The following EPB41L3 variants were observed in gnomAD, a reference collection of about 807,000 sequenced individuals.
The protein encoded by EPB41L3 is band 4.1-like protein 3.
A neutral mutation model predicts 127.1 loss-of-function variants in EPB41L3; 57 were observed. The observed-to-expected ratio is 0.45, with a 90% CI of 0.36 to 0.56. The LOEUF (loss-of-function observed/expected upper bound fraction) is 0.56. Among genes scored for constraint, EPB41L3 ranks in the 20% least tolerant of loss-of-function variants. The pLI, the probability that EPB41L3 is intolerant of heterozygous loss-of-function variation, is 0.00. For synonymous variants in EPB41L3, 572 were observed against 549.5 expected, an observed-to-expected ratio of 1.04 and a Z score of -0.57; for missense variants, 1,273 against 1,372.2, an observed-to-expected ratio of 0.93 and a Z score of 1.14.
chr18:5,450,624 T>A (rs1305850976), intron 3 of EPB41L3, among the ~76,000 whole-genome samples: 1 of 151,322 alleles, frequency 6.6e-6, no homozygotes, highest in Admixed American at 6.6e-5. Context: ...AATAAAATAA[T>A]TAATTAAAAA....
chr18:5,516,021 A>G (rs2092736273), intron 1 of EPB41L3, among the ~76,000 whole-genome samples: 1 of 152,222 alleles, frequency 6.6e-6, no homozygotes, highest in South Asian at 2.1e-4. Context: ...GTAAGTGCCC[A>G]TAGAAAGTTA....
chr18:5,441,041 C>T (rs959554974), intron 5 of EPB41L3, among the ~76,000 whole-genome samples: 23 of 152,054 alleles, frequency 1.5e-4, no homozygotes, highest in East Asian at 7.7e-4. Context: ...TGTGTCTCTG[C>T]GCTCAGCTAA....
chr18:5,604,153 T>C (rs946785980), intron 3 of EPB41L3, among the ~76,000 whole-genome samples: 7 of 152,122 alleles, frequency 4.6e-5, no homozygotes, highest in African/African-American at 1.2e-4. Flanking sequence ...CTGCTTGTAA[T>C]AGTATTAGAA....
intron 15 of EPB41L3, chr18:5,407,453 C>A: frequency 3.6e-6 from 2 of 549,284 alleles, no homozygotes; most frequent in Non-Finnish European, 6.4e-6. Context: ...CATAAGATTA[C>A]TATGTTTGAC....
intron 3 of EPB41L3, among the ~76,000 whole-genome samples, chr18:5,561,028 A>ACT (rs2094122190): frequency 7.3e-6 from 1 of 137,304 alleles, no homozygotes; most frequent in Non-Finnish European, 1.6e-5. Flanking sequence ...CCCAGGCTGG[A>ACT]GTGCAGTGGC....
At position 5,476,715 on chromosome 18, in the gene EPB41L3, A is replaced by C. The variant is rs531337988; in HGVS notation, c.381+1526T>G. 2.0e-5 allele frequency among the ~76,000 whole-genome samples: 3 copies of C among 152,352 alleles called. No individual in the cohort carries two copies. In the East Asian group the frequency reaches 5.8e-4, roughly 29 times the overall value. ...TTTCCAGAAAATGCATCTACACTGA[A>C]GAAATACAGTATTTCTCAAGGTTAC... On this transcript the variant is annotated intron_variant, in intron 3 of 22. Transcript: ENST00000341928.
chr18:5,448,187 G>A (rs2081797956), intron 3 of EPB41L3, among the ~76,000 whole-genome samples: 1 of 152,106 alleles, frequency 6.6e-6, no homozygotes, highest in Admixed American at 6.5e-5. Context: ...AACCACTAAT[G>A]GATTGAGGCA....
intron 1 of EPB41L3, chr18:5,540,590 TTCCCAACAAA>T (rs2149040053): frequency 1.0e-6 from 1 of 979,662 alleles, no homozygotes; most frequent in Admixed American, 6.1e-5. Flanking sequence ...GCCTGATGAA[TTCCCAACAAA>T]TCAGCAGCTA....
intron 1 of EPB41L3, among the ~76,000 whole-genome samples, chr18:5,620,121 G>A (rs2094843242): frequency 6.7e-6 from 1 of 149,308 alleles, no homozygotes; most frequent in African/African-American, 2.4e-5. Context: ...TGTATGCTAT[G>A]TTATCAAGTT....
At chr18:5,407,148 A>C in intron 15 of EPB41L3, 180 bp from the exon 16 acceptor site, 1 of 605,680 alleles carries the variant, frequency 1.7e-6, no homozygotes, top group East Asian at 2.8e-5. Flanking sequence ...TCCCATGGAA[A>C]GGAAACAGAA....
chr18:5,411,329 C>T (rs1164677747), intron 13 of EPB41L3, among the ~76,000 whole-genome samples: 1 of 152,174 alleles, frequency 6.6e-6, no homozygotes, highest in Admixed American at 6.5e-5. Flanking sequence ...TGTATTTGAA[C>T]ATCTTGCTCC....
At chr18:5,627,913 A>G (rs1028796325) in intron 1 of EPB41L3, among the ~76,000 whole-genome samples, 2 of 152,248 alleles carry the variant, frequency 1.3e-5, no homozygotes, top group African/African-American at 4.8e-5. Flanking sequence ...ATAGTTAACA[A>G]GAGAGGCTCT....
intron 1 of EPB41L3, chr18:5,518,650 T>G (rs1267337240): frequency 1.3e-5 from 2 of 152,198 alleles, no homozygotes; most frequent in Non-Finnish European, 2.9e-5. Context: ...AATAAACAAA[T>G]GAAAGAATAA....
At position 5,395,621 on chromosome 18, in the gene EPB41L3, C is replaced by T. The variant is rs375353039; in HGVS notation, c.3060G>A (p.Thr1020=). The T allele has an allele frequency of 1.7e-5, 28 of 1,613,720 alleles. No homozygotes were observed. The highest frequency in any genetic ancestry group is 4.0e-5 in the African/African-American group (3 of 74,900). ...TCACTCCACTTACTTTGGTGATGTGCGTAGTGGTGGTGGTACTGGTGGTTT... is the reference window on the plus strand; with the variant it reads ...TCACTCCACTTACTTTGGTGATGTGTGTAGTGGTGGTGGTACTGGTGGTTT... The part of the protein sequence containing the change: ...TSETTSTTTT[T]HITKTVKGGI... Residue 1020 remains threonine, a synonymous_variant, in exon 20 of 23, where the codon ACG becomes ACA. Coordinates refer to ENST00000341928, the MANE Select transcript of EPB41L3 (RefSeq NM_012307.5).
chr18:5,454,660 A>G (rs556388868), intron 3 of EPB41L3, among the ~76,000 whole-genome samples: 1 of 152,308 alleles, frequency 6.6e-6, no homozygotes, highest in Non-Finnish European at 1.5e-5. Context: ...TCAGAAAACC[A>G]TGAGGGTAAC....
At chr18:5,395,444 C>T (rs1244652723) in intron 20 of EPB41L3, among the ~76,000 whole-genome samples, 165 bp downstream of exon 20, 3 of 152,182 alleles carry the variant, frequency 2.0e-5, no homozygotes, top group Non-Finnish European at 4.4e-5. Flanking sequence ...AGGACAAGTG[C>T]ATCGTAAATC....
chr18:5,430,433 A>C (rs1344023566), intron 8 of EPB41L3, among the ~76,000 whole-genome samples: 4 of 152,206 alleles, frequency 2.6e-5, no homozygotes, highest in Non-Finnish European at 4.4e-5. Context: ...AAAACGGCAC[A>C]AACGAGTGCA....
chr18:5,568,679 A>C (rs2094239830), intron 3 of EPB41L3, among the ~76,000 whole-genome samples: 2 of 152,220 alleles, frequency 1.3e-5, no homozygotes, highest in African/African-American at 4.8e-5. Flanking sequence ...TCCTCCTAGC[A>C]ATAGATATTC....
At chr18:5,605,518 A>T (rs2094641033) in intron 3 of EPB41L3, among the ~76,000 whole-genome samples, 1 of 152,188 alleles carries the variant, frequency 6.6e-6, no homozygotes, top group African/African-American at 2.4e-5. Flanking sequence ...AGCTGGGGCT[A>T]CAAGTACACA....
Sources: gnomAD v4.1 joint callset for allele counts (sites outside exome capture counted in the v4.1 genomes callset) on GRCh38, gnomAD v4.1.1 for gene constraint, MANE v1.5 for transcripts, NCBI Gene and HGNC (gene_info 2026-07-23, HGNC 2026-07-21) for gene names.